The following XIRP2 variants were observed in gnomAD, a reference collection of about 807,000 sequenced individuals.
XIRP2 encodes xin actin binding repeat containing 2, also known as xin actin-binding repeat-containing protein 2.
A neutral mutation model predicts 277.0 loss-of-function variants in XIRP2; 236 were observed. The ratio of observed to expected loss-of-function variants is 0.85; its 90% confidence interval spans 0.77 to 0.95. XIRP2 has a LOEUF of 0.95. Among genes scored for constraint, XIRP2 ranks in the 40% least tolerant of loss-of-function variants. The pLI, the probability that XIRP2 is intolerant of heterozygous loss-of-function variation, is 0.00. For synonymous variants in XIRP2, 1,490 were observed against 1,416.5 expected, an observed-to-expected ratio of 1.05 and a Z score of -1.17; for missense variants, 4,640 against 4,157.5, an observed-to-expected ratio of 1.12 and a Z score of -3.19.
At position 167,053,308 on chromosome 2, in the gene XIRP2, T is replaced by C. The variant is rs929184790; in HGVS notation, c.409-82601T>C. ...TTGCATGCCTATGTTTACATATGTG[T>C]TTATTTGTAGATATGTGTTGTATAT... On this transcript the variant is annotated intron_variant, in intron 2 of 10. Coordinates refer to ENST00000409195, the MANE Select transcript of XIRP2 (RefSeq NM_152381.6). Among the ~76,000 whole-genome samples, 34 of 152,116 alleles carry C rather than the reference T, an allele frequency of 2.2e-4. 1 individual carries two copies. Among genetic ancestry groups the C allele is most frequent in the African/African-American group, 8.2e-4 (34 of 41,374 alleles).
chr2:167,004,323 C>T (rs1039972173), intron 2 of XIRP2, among the ~76,000 whole-genome samples: 7 of 151,794 alleles, frequency 4.6e-5, no homozygotes, highest in Non-Finnish European at 8.8e-5. Flanking sequence ...TGTACTTTCC[C>T]AAGGTTCATC....
chr2:167,191,696 A>T (rs1693339600), intron 3 of XIRP2, among the ~76,000 whole-genome samples: 1 of 151,694 alleles, frequency 6.6e-6, no homozygotes, highest in Non-Finnish European at 1.5e-5. Context: ...CTGCCCCAAA[A>T]CCCCACTCTC....
chr2:167,129,455 T>C (rs959351899), intron 2 of XIRP2, among the ~76,000 whole-genome samples: 2 of 152,210 alleles, frequency 1.3e-5, no homozygotes, highest in Admixed American at 1.3e-4. Context: ...TTTAGGGGAC[T>C]CTACAGCTCC....
intron 2 of XIRP2, among the ~76,000 whole-genome samples, chr2:167,050,714 G>A (rs760548674): frequency 2.4e-4 from 37 of 151,906 alleles, no homozygotes; most frequent in Non-Finnish European, 4.4e-4. Context: ...GAACGAGAAG[G>A]GATAAGCAGA....
rs752090020 is a variant in XIRP2, at chr2:167,240,715, C to A, written c.1021C>A (p.His341Asn). The part of the protein sequence containing the change: ...TEEVNQASQF[H>N]QYVQETVIDT... ...GGAAGTAAACCAAGCATCTCAGTTT[C>A]ATCAATATGTTCAAGAAACTGGTAA... The change falls in exon 7 of 11, where the codon CAT becomes AAT. Residue 341 changes from histidine to asparagine, a missense_variant. Physicochemically the swap from His to Asn is moderately conservative, Grantham distance 68. Transcript: ENST00000409195. 2.5e-6 allele frequency: 4 copies of A among 1,613,842 alleles called. No individual in the cohort carries two copies. The Admixed American group carries it at 6.7e-5, about 27-fold the overall frequency.
intron 1 of XIRP2, among the ~76,000 whole-genome samples, chr2:166,896,016 C>A (rs145491103): frequency 6.6e-6 from 1 of 152,240 alleles, no homozygotes; most frequent in African/African-American, 2.4e-5. Context: ...AAGACTGCAT[C>A]TGTGGATGTT....
chr2:167,184,600 A>G (rs193096710), intron 3 of XIRP2: 1 of 717,474 alleles, frequency 1.4e-6, no homozygotes, highest in East Asian at 2.7e-5. Context: ...CAAAATTGAC[A>G]AAGACCCCCA....
At chr2:166,946,454 T>A (rs550883597) in intron 2 of XIRP2, among the ~76,000 whole-genome samples, 1 of 152,302 alleles carries the variant, frequency 6.6e-6, no homozygotes, top group Non-Finnish European at 1.5e-5. Flanking sequence ...ATTGTTTGAG[T>A]TGTTGTGCAT....
intron 5 of XIRP2, among the ~76,000 whole-genome samples, chr2:167,224,585 C>T (rs1559028944): frequency 6.6e-6 from 1 of 152,048 alleles, no homozygotes; most frequent in East Asian, 1.9e-4. Context: ...AGGGGATAAA[C>T]CTTCAAACCA....
At chr2:167,007,703 T>TCACACACACA (rs57336666) in intron 2 of XIRP2, among the ~76,000 whole-genome samples, 1 of 130,158 alleles carries the variant, frequency 7.7e-6, no homozygotes, top group African/African-American at 2.8e-5. Context: ...TCTCTCTCTC[T>TCACACACACA]CACACACACA....
chr2:166,953,824 C>T (rs974719605), intron 2 of XIRP2, among the ~76,000 whole-genome samples: 1 of 151,870 alleles, frequency 6.6e-6, no homozygotes, highest in Non-Finnish European at 1.5e-5. Flanking sequence ...TTCCTTCCTT[C>T]TTTCCTTCCT....
chr2:167,137,114 T>G (rs893516052), intron 3 of XIRP2, among the ~76,000 whole-genome samples: 44 of 152,138 alleles, frequency 2.9e-4, no homozygotes, highest in Admixed American at 2.0e-4. Flanking sequence ...AACAGACTGG[T>G]CTTCAGGGGA....
intron 3 of XIRP2, among the ~76,000 whole-genome samples, chr2:167,189,916 A>G (rs1693276333): frequency 6.6e-6 from 1 of 152,134 alleles, no homozygotes; most frequent in Admixed American, 6.6e-5. Flanking sequence ...CAGGCCACCA[A>G]TCTTTCTGCC....
chr2:167,028,818 G>T (rs941715872), intron 2 of XIRP2, among the ~76,000 whole-genome samples: 9 of 151,134 alleles, frequency 6.0e-5, no homozygotes, highest in African/African-American at 2.2e-4. Context: ...AAAATTCAAG[G>T]TAACACCGAG....
At chr2:167,077,801 T>C (rs1689612709) in intron 2 of XIRP2, among the ~76,000 whole-genome samples, 1 of 152,130 alleles carries the variant, frequency 6.6e-6, no homozygotes, top group Non-Finnish European at 1.5e-5. Flanking sequence ...GTGTGAAAGA[T>C]TTGGAGCAGA....
intron 1 of XIRP2, among the ~76,000 whole-genome samples, chr2:166,894,469 G>A (rs950832173): frequency 7.9e-5 from 12 of 152,086 alleles, no homozygotes; most frequent in Non-Finnish European, 1.5e-4. Context: ...TCAAAGTATA[G>A]ATTTCAGGCC....
Position 167,031,897 on chromosome 2 carries a change from C to T in XIRP2, c.409-104012C>T, listed in dbSNP as rs180734132. On this transcript the variant is annotated intron_variant, in intron 2 of 10. Transcript: ENST00000409195. ...TACTGCCCAAAGTAATTTATAGATT[C>T]AGTGCTACCCCCATCAAGCTGCCAT... Among the ~76,000 whole-genome samples the T allele has an allele frequency of 9.4e-4, 143 of 152,202 alleles. 1 individual carries two copies. The highest frequency in any genetic ancestry group is 3.2e-4 in the Non-Finnish European group (22 of 68,004).
intron 4 of XIRP2, among the ~76,000 whole-genome samples, chr2:167,215,398 A>G (rs1331307329): frequency 6.6e-6 from 1 of 152,246 alleles, no homozygotes; most frequent in Non-Finnish European, 1.5e-5. Context: ...TAAATGAGGA[A>G]ACGTTATTAA....
chr2:167,024,810 G>C (rs1688102193), intron 2 of XIRP2, among the ~76,000 whole-genome samples: 1 of 152,152 alleles, frequency 6.6e-6, no homozygotes, highest in African/African-American at 2.4e-5. Context: ...AAGCCCACTT[G>C]ATCATGGTGG....
Sources: allele counts gnomAD v4.1 joint callset (sites outside exome capture counted in the v4.1 genomes callset), GRCh38; gene constraint gnomAD v4.1.1; transcripts MANE v1.5; gene names NCBI Gene and HGNC (gene_info 2026-07-23, HGNC 2026-07-21).